The following CD109 variants were observed in gnomAD, a reference collection of about 807,000 sequenced individuals.
CD109 encodes the protein CD109 molecule.
A neutral mutation model predicts 165.8 loss-of-function variants in CD109; 149 were observed. That is an observed-to-expected ratio of 0.90 (90% CI 0.79 to 1.03). The LOEUF is 1.03. Ranked by LOEUF, CD109 falls within the 50% of genes least tolerant of loss-of-function variation. CD109 has a pLI of 0.00. For synonymous variants in CD109, 585 were observed against 592.1 expected (o/e 0.99, Z 0.18); for missense variants, 1,712 against 1,677.8 (o/e 1.02, Z -0.36).
intron 24 of CD109, among the ~76,000 whole-genome samples, chr6:73,805,799 G>T (rs866491326): frequency 1.3e-5 from 2 of 152,208 alleles, no homozygotes; most frequent in Non-Finnish European, 2.9e-5. Flanking sequence ...ATCTTACACA[G>T]CCCTTAATCC....
At chr6:73,749,100 G>A (rs1370631171) in intron 5 of CD109, among the ~76,000 whole-genome samples, 1 of 152,176 alleles carries the variant, frequency 6.6e-6, no homozygotes, top group Non-Finnish European at 1.5e-5. Flanking sequence ...TTGTATGCGA[G>A]GGTGGGAAGA....
intron 2 of CD109, among the ~76,000 whole-genome samples, chr6:73,710,284 C>G (rs547886596): frequency 6.6e-6 from 1 of 152,132 alleles, no homozygotes; most frequent in Non-Finnish European, 1.5e-5. Flanking sequence ...CACCAGCATT[C>G]TTATACACCA....
At position 73,788,462 on chromosome 6, in the gene CD109, C is replaced by G; in HGVS notation, c.2557-6C>G. ...CCATGTTAATTGTGTTCATTTTTTT[C>G]AACAGGCTGAAGGAATAGAAAAATC... is the stretch of plus-strand genomic sequence containing the variant. On this transcript the variant is annotated splice_region_variant and splice_polypyrimidine_tract_variant and intron_variant, in intron 21 of 32. Coordinates refer to ENST00000287097, the MANE Select transcript of CD109 (RefSeq NM_133493.5). The G allele has an allele frequency of 1.2e-6, 2 of 1,603,082 alleles. No homozygotes were observed. Among genetic ancestry groups the G allele is most frequent in the Non-Finnish European group, 1.7e-6 (2 of 1,177,038 alleles).
chr6:73,736,523 A>AT lies in CD109; in HGVS notation c.633+21dup, dbSNP rs758369513. The AT allele has an allele frequency of 5.0e-6, 8 of 1,600,202 alleles. No individual in the cohort carries two copies. In the South Asian group the frequency reaches 7.9e-5, roughly 16 times the overall value. ...TTCAAGTGAATGTGAGTATAAATAT[A>AT]TTTTTTGGGGGGAATGTTAAAGTGA... On this transcript the variant is annotated intron_variant, in intron 5 of 32. Coordinates refer to ENST00000287097, the MANE Select transcript of CD109 (RefSeq NM_133493.5).
chr6:73,691,877 C>T (rs1019217579), upstream of CD109, among the ~76,000 whole-genome samples: 4 of 152,154 alleles, frequency 2.6e-5, no homozygotes, highest in African/African-American at 9.7e-5. Context: ...GTTTAATTGG[C>T]TCACAGTTCC....
At chr6:73,764,712 A>T (rs1006569633) in intron 10 of CD109, among the ~76,000 whole-genome samples, 1 of 150,334 alleles carries the variant, frequency 6.7e-6, no homozygotes, top group African/African-American at 2.4e-5. Flanking sequence ...ACTACTCGGG[A>T]GGCTGAGGCA....
intron 19 of CD109, among the ~76,000 whole-genome samples, chr6:73,784,464 C>A (rs750853298): frequency 3.3e-5 from 5 of 152,176 alleles, no homozygotes; most frequent in African/African-American, 9.7e-5. Flanking sequence ...TCTGAAGGGA[C>A]ATTCAAGAAT....
At chr6:73,723,828 C>T (rs1396750260) in intron 3 of CD109, among the ~76,000 whole-genome samples, 4 of 151,982 alleles carry the variant, frequency 2.6e-5, no homozygotes, top group Admixed American at 1.3e-4. Context: ...ATAATCTGTG[C>T]GACAACCCCC....
At chr6:73,714,336 A>G (rs1771645201) in intron 2 of CD109, among the ~76,000 whole-genome samples, 1 of 152,084 alleles carries the variant, frequency 6.6e-6, no homozygotes, top group Admixed American at 6.5e-5. Context: ...GTATTATGTG[A>G]CTGATTGACG....
intron 17 of CD109, among the ~76,000 whole-genome samples, chr6:73,782,094 A>G (rs1562064965): frequency 6.6e-6 from 1 of 152,132 alleles, no homozygotes; most frequent in Non-Finnish European, 1.5e-5. Context: ...CTATCCCTGA[A>G]TTCCCTGTTT....
At chr6:73,816,770 AAAG>A (rs1174631561) in intron 30 of CD109, among the ~76,000 whole-genome samples, 3 of 152,214 alleles carry the variant, frequency 2.0e-5, no homozygotes, top group African/African-American at 7.2e-5. Flanking sequence ...TGAAAAGGGC[AAAG>A]AAGAAGACCC....
chr6:73,791,196 T>C (rs7749738), intron 22 of CD109, among the ~76,000 whole-genome samples: 3,316 of 22,130 alleles, frequency 0.15, 232 homozygotes, highest in South Asian at 0.29. Flanking sequence ...CACATACATA[T>C]ATATATATAT....
At chr6:73,792,280 ATGTTTCTT>A (rs1207499278) in intron 22 of CD109, among the ~76,000 whole-genome samples, 3 of 152,262 alleles carry the variant, frequency 2.0e-5, no homozygotes, top group South Asian at 4.2e-4. Context: ...TACTAATAAA[ATGTTTCTT>A]TCCTGTATGA....
At chr6:73,721,070 T>C (rs1467057915) in intron 2 of CD109, among the ~76,000 whole-genome samples, 1 of 152,238 alleles carries the variant, frequency 6.6e-6, no homozygotes, top group Non-Finnish European at 1.5e-5. Context: ...TTGTCCTACC[T>C]GTACTATGTA....
At chr6:73,765,843 A>C (rs552784710) in intron 10 of CD109, 87 bp from the exon 11 acceptor site, 2 of 981,700 alleles carry the variant, frequency 2.0e-6, no homozygotes, top group East Asian at 5.0e-5. Flanking sequence ...TTGAGAGTTC[A>C]ATTTCATGAG....
At chr6:73,810,951 ATATATACT>A (rs1775733824) in intron 27 of CD109, 33 bp from the exon 28 acceptor site, 2 of 1,577,322 alleles carry the variant, frequency 1.3e-6, no homozygotes, top group Non-Finnish European at 1.7e-6. Context: ...GAAGACCTTG[ATATATACT>A]TATATGTACA....
intron 23 of CD109, among the ~76,000 whole-genome samples, chr6:73,796,900 C>G (rs1245179596): frequency 6.6e-6 from 1 of 152,196 alleles, no homozygotes; most frequent in African/African-American, 2.4e-5. Context: ...TACATCATCT[C>G]ACATGCTGAA....
upstream of CD109, chr6:73,695,876 C>G (rs954353572): frequency 5.7e-6 from 2 of 351,976 alleles, no homozygotes; most frequent in Non-Finnish European, 1.1e-5. Context: ...GCCTGAGGAA[C>G]CCGGTGGGCC....
At chr6:73,734,718 C>G (rs1772482771) in intron 4 of CD109, among the ~76,000 whole-genome samples, 1 of 152,204 alleles carries the variant, frequency 6.6e-6, no homozygotes, top group Non-Finnish European at 1.5e-5. Context: ...TTACCCCTAA[C>G]TGTCATATCT....
Sources: allele counts gnomAD v4.1 joint callset (sites outside exome capture counted in the v4.1 genomes callset), GRCh38; gene constraint gnomAD v4.1.1; transcripts MANE v1.5; gene names NCBI Gene and HGNC (gene_info 2026-07-23, HGNC 2026-07-21).